PHF8: variants seen among roughly 807,000 people sequenced by gnomAD.
The protein encoded by PHF8 is PHD finger protein 8, also known as histone lysine demethylase PHF8.
In PHF8, 9 loss-of-function variants were observed where a neutral mutation model predicts 74.4. The ratio of observed to expected loss-of-function variants is 0.12; its 90% confidence interval spans 0.07 to 0.21. The LOEUF is 0.21. Ranked by LOEUF, PHF8 falls within the 10% of genes least tolerant of loss-of-function variation. The pLI is 1.00. For missense variants in PHF8, 478 were observed against 816.6 expected, an observed-to-expected ratio of 0.59 and a Z score of 5.05; for synonymous variants, 311 against 316.6, an observed-to-expected ratio of 0.98 and a Z score of 0.19.
At chrX:54,026,945 A>G (rs781901699) in intron 2 of PHF8, among the ~76,000 whole-genome samples, 3 of 111,650 alleles carry the variant, frequency 2.7e-5, no homozygotes, top group African/African-American at 9.8e-5. Context: ...AAGACCAAGA[A>G]GCGATGCACT....
At chrX:53,944,083 C>G (rs782245363) in intron 20 of PHF8, 51 bp downstream of exon 20, 31 of 768,521 alleles carry the variant, frequency 4.0e-5, no homozygotes, top group Non-Finnish European at 6.0e-5. Flanking sequence ...TGTTGAGGCT[C>G]TAAGTCAAAC....
At chrX:53,983,917 C>G (rs782083029) in intron 18 of PHF8, among the ~76,000 whole-genome samples, 2 of 111,995 alleles carry the variant, frequency 1.8e-5, no homozygotes, top group Non-Finnish European at 3.8e-5. Flanking sequence ...AATGTAAACA[C>G]AACAAAATAA....
chrX:54,025,815 T>C (rs782611159), intron 2 of PHF8, among the ~76,000 whole-genome samples: 35 of 111,220 alleles, frequency 3.1e-4, no homozygotes, highest in Non-Finnish European at 6.2e-4. Flanking sequence ...CTCAAAACTC[T>C]TTATCCTCAT....
chrX:54,037,104 GTAAAGGCAGAGATCTAT>G (rs1557114573), intron 2 of PHF8, among the ~76,000 whole-genome samples: 1 of 109,381 alleles, frequency 9.1e-6, no homozygotes, highest in Non-Finnish European at 1.9e-5. Context: ...GAAAAAAATA[GTAAAGGCAGAGATCTAT>G]TAAATTGAAA....
intron 14 of PHF8, among the ~76,000 whole-genome samples, chrX:53,991,020 AT>A (rs2065651579): frequency 9.0e-6 from 1 of 111,386 alleles, no homozygotes; most frequent in Non-Finnish European, 1.9e-5. Flanking sequence ...ATATTATCTC[AT>A]TTAATCCTCC....
At chrX:54,021,758 G>A (rs1326968292) in intron 4 of PHF8, among the ~76,000 whole-genome samples, 3 of 110,497 alleles carry the variant, frequency 2.7e-5, no homozygotes, top group South Asian at 3.8e-4. Context: ...GTGAGCCACC[G>A]CGCCCGGCCA....
intron 15 of PHF8, 101 bp from the exon 16 acceptor site, chrX:53,987,264 C>A: frequency 3.7e-6 from 2 of 535,744 alleles, no homozygotes; most frequent in East Asian, 3.5e-5. Flanking sequence ...AAGTAATGAC[C>A]ACAGATGACT....
intron 20 of PHF8, 60 bp from the exon 21 acceptor site, chrX:53,940,576 A>G (rs1173061793): frequency 2.4e-6 from 2 of 828,020 alleles, no homozygotes; most frequent in Non-Finnish European, 3.6e-6. Context: ...GTTCCCAGGA[A>G]AGGAACTAAC....
At chrX:53,945,837 ATC>A (rs1332478060) in intron 19 of PHF8, among the ~76,000 whole-genome samples, 2 of 111,642 alleles carry the variant, frequency 1.8e-5, no homozygotes, top group Non-Finnish European at 3.8e-5. Flanking sequence ...GGTTCCACTG[ATC>A]TCTTTTTCCT....
intron 18 of PHF8, among the ~76,000 whole-genome samples, chrX:53,968,355 T>C (rs2065244050): frequency 9.0e-6 from 1 of 111,642 alleles, no homozygotes; most frequent in Non-Finnish European, 1.9e-5. Context: ...CTTGGACACA[T>C]ATAACCTACC....
chrX:53,969,552 A>G (rs1406375203), intron 18 of PHF8, among the ~76,000 whole-genome samples: 1 of 112,039 alleles, frequency 8.9e-6, no homozygotes, highest in Non-Finnish European at 1.9e-5. Flanking sequence ...CTACCCAAAA[A>G]CGATCTATAG....
intron 10 of PHF8, among the ~76,000 whole-genome samples, chrX:54,001,826 G>C (rs1388882490): frequency 9.1e-6 from 1 of 110,300 alleles, no homozygotes; most frequent in Non-Finnish European, 1.9e-5. Context: ...TGAGGCAGGA[G>C]GATTGCCTGA....
intron 7 of PHF8, among the ~76,000 whole-genome samples, chrX:54,013,971 T>C (rs2066021847): frequency 9.0e-6 from 1 of 111,661 alleles, no homozygotes; most frequent in Non-Finnish European, 1.9e-5. Context: ...AATTTTTTTT[T>C]TTAAGATGGA....
At chrX:53,954,651 A>G in intron 19 of PHF8, among the ~76,000 whole-genome samples, 1 of 107,569 alleles carries the variant, frequency 9.3e-6, no homozygotes, top group East Asian at 2.8e-4. Flanking sequence ...AGATATATAT[A>G]TATATATATA....
At chrX:54,036,825 C>G (rs1482392077) in intron 2 of PHF8, among the ~76,000 whole-genome samples, 12 of 106,141 alleles carry the variant, frequency 1.1e-4, no homozygotes, top group Non-Finnish European at 2.1e-4. Flanking sequence ...ATGGTGAAAC[C>G]CCATCTCTAT....
At chrX:54,044,693 C>G (rs2066616935), upstream of PHF8, among the ~76,000 whole-genome samples, 1 of 112,771 alleles carries the variant, frequency 8.9e-6, no homozygotes, top group Non-Finnish European at 1.9e-5. Context: ...GAGTGGGGCC[C>G]GAAACTTCCT....
chrX:53,977,412 T>A (rs1378118615), intron 18 of PHF8, among the ~76,000 whole-genome samples: 4 of 112,131 alleles, frequency 3.6e-5, no homozygotes, highest in Non-Finnish European at 7.5e-5. Flanking sequence ...GCATTCAAAA[T>A]GTCTGTTTAA....
intron 5 of PHF8, 110 bp downstream of exon 5, chrX:54,017,551 G>A (rs2066093331): frequency 1.5e-6 from 1 of 656,179 alleles, no homozygotes; most frequent in African/African-American, 2.1e-5. Context: ...TTTCACCTGA[G>A]ATTCCCAAGA....
rs1557108604 is a variant in PHF8 at position 54,017,669 on chromosome X, T to C, written c.446A>G (p.His149Arg). 2 of 1,206,405 alleles carry C rather than the reference T, an allele frequency of 1.7e-6. No individual in the cohort carries two copies. Among genetic ancestry groups the C allele is most frequent in the Admixed American group, 4.3e-5 (2 of 46,007 alleles). Residue 149 changes from histidine to arginine, a missense_variant, in exon 5 of 22, where the codon CAC (histidine) becomes CGC (arginine). Physicochemically the swap from His to Arg is conservative, Grantham distance 29. Around this residue, in one of 9 missense-constraint regions of PHF8, gnomAD observed 70 missense variants for 234.1 expected, o/e 0.30. Coordinates refer to ENST00000338154, the MANE Select transcript of PHF8 (RefSeq NM_015107.3). ...SPSFTVRDVE[H>R]YVGSDKEIDV... Reference sequence around the variant, plus strand: ...GGTCTGTAGTGTCTTACCAACATAGTGTTCAACATCCCTCACAGTGAATGA... The same window carrying C: ...GGTCTGTAGTGTCTTACCAACATAGCGTTCAACATCCCTCACAGTGAATGA...
Sources: gnomAD v4.1 joint callset for allele counts (sites outside exome capture counted in the v4.1 genomes callset) on GRCh38, gnomAD v4.1.1 for gene constraint, gnomAD v4.1.1 regional missense constraint, MANE v1.5 for transcripts, NCBI Gene and HGNC (gene_info 2026-07-23, HGNC 2026-07-21) for gene names.